SLC4A10: variants seen among roughly 807,000 people sequenced by gnomAD.
SLC4A10 encodes solute carrier family 4 member 10.
SLC4A10 carries 42 observed loss-of-function variants against 137.7 expected under a neutral mutation model. The observed-to-expected ratio is 0.30, with a 90% confidence interval of 0.24 to 0.39. The LOEUF (loss-of-function observed/expected upper bound fraction) is 0.39. SLC4A10 is among the 10% of genes least tolerant of loss of function. SLC4A10 has a pLI of 1.00. For synonymous variants in SLC4A10, 474 were observed against 464.1 expected (o/e 1.02, Z -0.27); for missense variants, 925 against 1,355.0 (o/e 0.68, Z 4.98).
At chr2:161,675,852 A>G (rs1431325836) in intron 1 of SLC4A10, among the ~76,000 whole-genome samples, 1 of 152,242 alleles carries the variant, frequency 6.6e-6, no homozygotes, top group Non-Finnish European at 1.5e-5. Flanking sequence ...TCATTTCAAT[A>G]TAAACATCTT....
chr2:161,694,049 CTT>C (rs896273382), intron 1 of SLC4A10, among the ~76,000 whole-genome samples: 1 of 152,012 alleles, frequency 6.6e-6, no homozygotes, highest in African/African-American at 2.4e-5. Flanking sequence ...AGACAACTGA[CTT>C]TTCCAGATTA....
intron 1 of SLC4A10, among the ~76,000 whole-genome samples, chr2:161,668,306 C>A (rs1176010466): frequency 6.6e-6 from 1 of 151,612 alleles, no homozygotes; most frequent in Non-Finnish European, 1.5e-5. Context: ...AAAATTTAGC[C>A]GGGAGAAGAG....
chr2:161,754,487 C>A (rs1207932048), intron 1 of SLC4A10, among the ~76,000 whole-genome samples: 4 of 152,100 alleles, frequency 2.6e-5, no homozygotes, highest in Non-Finnish European at 4.4e-5. Flanking sequence ...TGAATTATGG[C>A]TTTTTGCCCA....
At chr2:161,769,954 GA>G (rs1197615368) in intron 1 of SLC4A10, among the ~76,000 whole-genome samples, 4 of 151,492 alleles carry the variant, frequency 2.6e-5, no homozygotes, top group Non-Finnish European at 5.9e-5. Context: ...CTGGATAGAA[GA>G]AAAAAATGTT....
At chr2:161,665,465 T>G (rs544576226) in intron 1 of SLC4A10, among the ~76,000 whole-genome samples, 30 of 151,808 alleles carry the variant, frequency 2.0e-4, no homozygotes, top group African/African-American at 7.0e-4. Flanking sequence ...TGTGAAATGT[T>G]AATTTTTGCA....
At chr2:161,927,764 T>C (rs1038095468) in intron 15 of SLC4A10, among the ~76,000 whole-genome samples, 3 of 151,976 alleles carry the variant, frequency 2.0e-5, no homozygotes, top group African/African-American at 4.8e-5. Flanking sequence ...AAAAAACACA[T>C]GAAAAAATGC....
At chr2:161,759,263 A>G (rs1410479234) in intron 1 of SLC4A10, among the ~76,000 whole-genome samples, 2 of 152,024 alleles carry the variant, frequency 1.3e-5, no homozygotes, top group Admixed American at 1.3e-4. Context: ...TACATTGTAT[A>G]ATGATTACCA....
intron 2 of SLC4A10, among the ~76,000 whole-genome samples, chr2:161,803,714 T>C (rs1229171843): frequency 6.6e-6 from 1 of 152,148 alleles, no homozygotes; most frequent in African/African-American, 2.4e-5. Flanking sequence ...CCTTTTCCAG[T>C]AGTCCCACTT....
intron 5 of SLC4A10, among the ~76,000 whole-genome samples, chr2:161,858,029 C>T (rs1040015752): frequency 6.6e-6 from 1 of 152,032 alleles, no homozygotes; most frequent in Non-Finnish European, 1.5e-5. Context: ...TTGTTTTATT[C>T]TGTTTCATGA....
intron 1 of SLC4A10, among the ~76,000 whole-genome samples, chr2:161,766,879 A>T (rs2050861251): frequency 6.6e-6 from 1 of 151,164 alleles, no homozygotes; most frequent in South Asian, 2.1e-4. Context: ...GATTGCAAAC[A>T]CTTAGCCCTG....
At chr2:161,814,097 G>A (rs1217980935) in intron 3 of SLC4A10, among the ~76,000 whole-genome samples, 1 of 151,850 alleles carries the variant, frequency 6.6e-6, no homozygotes, top group Non-Finnish European at 1.5e-5. Flanking sequence ...AAAAATCAAC[G>A]TGATTAAAAA....
rs1700460279 is a variant in SLC4A10, at chr2:161,983,183, G to A, written c.*31G>A. ...GTCCTTTTTTTCCTTCTGTAGCATT[G>A]AAAGCCGAAAAGAGAAGAAAGCTGA... On this transcript the variant is annotated 3_prime_UTR_variant, in exon 27 of 27. Transcript: ENST00000446997. 1 of 1,536,664 alleles carries A rather than the reference G, an allele frequency of 6.5e-7. No individual in the cohort carries two copies.
At chr2:161,851,873 A>T (rs1343634458) in intron 4 of SLC4A10, among the ~76,000 whole-genome samples, 1 of 151,950 alleles carries the variant, frequency 6.6e-6, no homozygotes, top group African/African-American at 2.4e-5. Flanking sequence ...ATTTTTGGAG[A>T]TTACATTTAA....
At chr2:161,740,741 A>G (rs56965753) in intron 1 of SLC4A10, among the ~76,000 whole-genome samples, 12,371 of 152,138 alleles carry the variant, frequency 0.081, 642 homozygotes, top group East Asian at 0.14. Flanking sequence ...AGCATCTCCA[A>G]TTAATATAGC....
chr2:161,854,075 A>G (rs1329761178), intron 4 of SLC4A10, among the ~76,000 whole-genome samples: 1 of 152,190 alleles, frequency 6.6e-6, no homozygotes, highest in African/African-American at 2.4e-5. Context: ...ATTGGGGTCA[A>G]AAATGACTAA....
intron 1 of SLC4A10, among the ~76,000 whole-genome samples, chr2:161,704,694 A>G (rs563940588): frequency 6.6e-6 from 1 of 151,784 alleles, no homozygotes; most frequent in East Asian, 1.9e-4. Flanking sequence ...CTTTCCATTT[A>G]ATATGCTATT....
chr2:161,855,454 T>A (rs978289304), intron 5 of SLC4A10, among the ~76,000 whole-genome samples: 1 of 152,078 alleles, frequency 6.6e-6, no homozygotes, highest in African/African-American at 2.4e-5. Context: ...AGATACTTAT[T>A]TTCAATATTC....
intron 25 of SLC4A10, chr2:161,977,246 G>A (rs1325748952): frequency 2.9e-6 from 1 of 342,012 alleles, no homozygotes. Context: ...TATGCACTGT[G>A]TGTATTTTAT....
chr2:161,698,791 G>A (rs2042824369), intron 1 of SLC4A10, among the ~76,000 whole-genome samples: 1 of 152,226 alleles, frequency 6.6e-6, no homozygotes, highest in Middle Eastern at 3.4e-3. Flanking sequence ...GTCTCTGCCA[G>A]GGTTTGATAT....
Sources: gnomAD v4.1 joint callset for allele counts (sites outside exome capture counted in the v4.1 genomes callset) on GRCh38, gnomAD v4.1.1 for gene constraint, MANE v1.5 for transcripts, NCBI Gene and HGNC (gene_info 2026-07-23, HGNC 2026-07-21) for gene names.